Variants in SHANK2 observed in about 807,000 individuals in gnomAD.
SHANK2 encodes SH3 and multiple ankyrin repeat domains protein 2.
SHANK2 carries 43 observed loss-of-function variants against 133.7 expected under a neutral mutation model. The ratio of observed to expected loss-of-function variants is 0.32; its 90% CI spans 0.25 to 0.41. The LOEUF is 0.41. Among genes scored for constraint, SHANK2 ranks in the 10% least tolerant of loss-of-function variants. SHANK2 has a pLI of 1.00. For missense variants in SHANK2, 1,994 were observed against 2,235.8 expected, an observed-to-expected ratio of 0.89 and a Z score of 2.18; for synonymous variants, 1,017 against 952.8, an observed-to-expected ratio of 1.07 and a Z score of -1.24.
intron 17 of SHANK2, among the ~76,000 whole-genome samples, chr11:70,572,266 T>G (rs1365984919): frequency 6.6e-6 from 1 of 152,206 alleles, no homozygotes; most frequent in Non-Finnish European, 1.5e-5. Flanking sequence ...TTCAAGGGAT[T>G]CTCCTGCCTC....
chr11:70,659,126 C>T (rs2061447980), intron 17 of SHANK2, among the ~76,000 whole-genome samples: 3 of 152,162 alleles, frequency 2.0e-5, no homozygotes, highest in Admixed American at 6.5e-5. Flanking sequence ...CTGGGGCCTC[C>T]GAACCCCTCG....
intron 8 of SHANK2, among the ~76,000 whole-genome samples, chr11:71,086,133 TATA>T (rs1951406205): frequency 1.2e-4 from 1 of 8,500 alleles, no homozygotes; most frequent in Non-Finnish European, 4.5e-4. Flanking sequence ...TATTAAATTA[TATA>T]ATATATTATG....
In SHANK2 at chr11:71,184,257, G is replaced by A. The variant is rs572756601; in HGVS notation, c.-12-36919C>T. 9.0e-4 allele frequency among the ~76,000 whole-genome samples: 137 copies of A among 152,266 alleles called. 1 individual carries two copies. Among genetic ancestry groups the A allele is most frequent in the African/African-American group, 3.2e-3 (131 of 41,556 alleles). ...GATATTCCCATTTTTGGGTGGGCCA[G>A]CTCTGACTCAATGGCCCACAAGATA... is the stretch of plus-strand genomic sequence containing the variant. On this transcript the variant is annotated intron_variant, in intron 2 of 25. Transcript: ENST00000601538.
At chr11:71,123,016 G>A (rs755850449) in intron 3 of SHANK2, among the ~76,000 whole-genome samples, 6 of 152,154 alleles carry the variant, frequency 3.9e-5, no homozygotes, top group African/African-American at 9.7e-5. Flanking sequence ...CTCTGAGAGC[G>A]GAACTCAGCA....
chr11:71,105,200 G>A (rs948916443), intron 6 of SHANK2, among the ~76,000 whole-genome samples: 9 of 152,152 alleles, frequency 5.9e-5, no homozygotes, highest in Non-Finnish European at 7.3e-5. Context: ...CCTTCCGCAC[G>A]TGCTGCCATG....
At chr11:70,827,982 C>T (rs919049298) in intron 11 of SHANK2, among the ~76,000 whole-genome samples, 11 of 152,054 alleles carry the variant, frequency 7.2e-5, no homozygotes, top group Admixed American at 4.6e-4. Flanking sequence ...GCTGAGCACC[C>T]GAACAGCATC....
intron 21 of SHANK2, among the ~76,000 whole-genome samples, chr11:70,497,749 G>A (rs1334649649): frequency 6.6e-6 from 1 of 152,210 alleles, no homozygotes; most frequent in Non-Finnish European, 1.5e-5. Context: ...TGCATCCTCA[G>A]CAAATCACAA....
chr11:70,929,277 C>T (rs561958988), intron 10 of SHANK2, among the ~76,000 whole-genome samples: 85 of 152,300 alleles, frequency 5.6e-4, no homozygotes, highest in African/African-American at 2.0e-3. Context: ...TACTCAACCT[C>T]GGTCTGGGCA....
intron 17 of SHANK2, among the ~76,000 whole-genome samples, chr11:70,653,764 C>T (rs2061369557): frequency 6.6e-6 from 1 of 152,144 alleles, no homozygotes. Flanking sequence ...ATTCAATCAA[C>T]TGGGATTAAC....
At chr11:70,573,951 C>T (rs1159333231) in intron 17 of SHANK2, among the ~76,000 whole-genome samples, 2 of 152,202 alleles carry the variant, frequency 1.3e-5, no homozygotes, top group Non-Finnish European at 2.9e-5. Flanking sequence ...GGGCGGATGG[C>T]GCTATGCCAG....
At chr11:70,499,889 C>G (rs1591507674) in intron 21 of SHANK2, among the ~76,000 whole-genome samples, 1 of 152,212 alleles carries the variant, frequency 6.6e-6, no homozygotes, top group East Asian at 1.9e-4. Context: ...TGCTAGGCTC[C>G]TCCCAACTCC....
At chr11:70,635,501 C>T (rs1245125581) in intron 17 of SHANK2, 3 of 148,938 alleles carry the variant, frequency 2.0e-5, no homozygotes, top group African/African-American at 7.5e-5. Context: ...ACCTGAGGTC[C>T]CTAGAGTGGT....
intron 11 of SHANK2, among the ~76,000 whole-genome samples, chr11:70,860,595 G>C (rs1949243680): frequency 6.6e-6 from 1 of 152,204 alleles, no homozygotes; most frequent in Non-Finnish European, 1.5e-5. Flanking sequence ...AATGAACGAG[G>C]ACAAATGATT....
chr11:71,139,435 T>C (rs2135374550), intron 3 of SHANK2, among the ~76,000 whole-genome samples: 1 of 152,174 alleles, frequency 6.6e-6, no homozygotes, highest in African/African-American at 2.4e-5. Context: ...CACAGCAACA[T>C]GGCACATGTA....
At chr11:70,747,576 C>A (rs1340475584) in intron 14 of SHANK2, among the ~76,000 whole-genome samples, 1 of 152,152 alleles carries the variant, frequency 6.6e-6, no homozygotes, top group African/African-American at 2.4e-5. Flanking sequence ...CTGGTGGCCA[C>A]CAGGCTTGCG....
intron 8 of SHANK2, among the ~76,000 whole-genome samples, chr11:71,079,914 A>AGGAAGGGGAGGGGAGGGGAC: frequency 2.2e-5 from 1 of 46,152 alleles, no homozygotes; most frequent in South Asian, 1.3e-3. Context: ...GGGGAGGGGA[A>AGGAAGGGGAGGGGAGGGGAC]GGAAGGGGAG....
At chr11:70,659,117 T>C (rs2061447845) in intron 17 of SHANK2, among the ~76,000 whole-genome samples, 1 of 152,190 alleles carries the variant, frequency 6.6e-6, no homozygotes, top group Admixed American at 6.5e-5. Context: ...TCAGATGTAC[T>C]GGGGCCTCCG....
intron 17 of SHANK2, among the ~76,000 whole-genome samples, chr11:70,540,388 T>A (rs12793426): frequency 6.6e-6 from 1 of 151,624 alleles, no homozygotes; most frequent in African/African-American, 2.4e-5. Context: ...CTCCCTCCTG[T>A]GGAGTCGAGG....
At chr11:70,794,313 T>G (rs561484188) in intron 14 of SHANK2, among the ~76,000 whole-genome samples, 1 of 148,858 alleles carries the variant, frequency 6.7e-6, no homozygotes, top group East Asian at 2.0e-4. Context: ...AACCACTGAG[T>G]CCTGCAATAC....
Sources: allele counts gnomAD v4.1 joint callset (sites outside exome capture counted in the v4.1 genomes callset), GRCh38; gene constraint gnomAD v4.1.1; transcripts MANE v1.5; gene names NCBI Gene and HGNC (gene_info 2026-07-23, HGNC 2026-07-21).